EML6: variants seen among roughly 807,000 people sequenced by gnomAD.
The protein encoded by EML6 is echinoderm microtubule-associated protein-like 6.
EML6 carries 154 observed loss-of-function variants against 240.1 expected under a neutral mutation model. The observed-to-expected ratio is 0.64, with a 90% CI of 0.56 to 0.73. The LOEUF is 0.73. EML6 is among the 30% of genes least tolerant of loss of function. The pLI is 0.00. For synonymous variants in EML6, 1,148 were observed against 899.0 expected (o/e 1.28, Z -4.95); for missense variants, 2,964 against 2,474.6 (o/e 1.20, Z -4.20).
intron 7 of EML6, among the ~76,000 whole-genome samples, chr2:54,838,135 A>G (rs1669249581): frequency 6.6e-6 from 1 of 152,242 alleles, no homozygotes; most frequent in Non-Finnish European, 1.5e-5. Flanking sequence ...GATAAGGCAG[A>G]GTAACTAAGA....
At chr2:54,859,781 G>C in intron 12 of EML6, 80 bp downstream of exon 12, 3 of 1,241,822 alleles carry the variant, frequency 2.4e-6, no homozygotes, top group Middle Eastern at 2.0e-4. Flanking sequence ...GTATTCTATA[G>C]GTAAAGGATT....
intron 38 of EML6, among the ~76,000 whole-genome samples, chr2:54,965,641 GTT>G (rs1676715657): frequency 6.6e-6 from 1 of 152,164 alleles, no homozygotes; most frequent in Non-Finnish European, 1.5e-5. Flanking sequence ...ATCATAGGGA[GTT>G]GAAGCTGTCT....
intron 17 of EML6, chr2:54,879,878 C>A (rs781592414): frequency 5.1e-4 from 255 of 500,554 alleles, no homozygotes; most frequent in Non-Finnish European, 6.1e-4. Context: ...AGTCATTCAC[C>A]GCTTCATTTT....
At chr2:54,798,777 A>C (rs563535521) in intron 2 of EML6, among the ~76,000 whole-genome samples, 21 of 152,272 alleles carry the variant, frequency 1.4e-4, no homozygotes, top group African/African-American at 3.8e-4. Flanking sequence ...TATACCTTTT[A>C]TTTATTCTTG....
At position 54,871,536 on chromosome 2, in the gene EML6, C is replaced by T; in HGVS notation, c.2275C>T (p.Gln759Ter). The T allele has an allele frequency of 6.4e-7, 1 of 1,551,752 alleles. No individual in the cohort carries two copies. Among genetic ancestry groups the T allele is most frequent in the Admixed American group, 2.0e-5 (1 of 51,010 alleles). The change falls in exon 16 of 42, where the codon CAA becomes TAA. Residue 759 changes from glutamine (Q) to a stop codon, truncating the protein, a stop_gained. Coordinates refer to ENST00000356458, the MANE Select transcript of EML6 (RefSeq NM_001039753.4). LOFTEE classifies it high-confidence loss of function. ...TGCTGCTATTCATGTGTGGGACACACAAACTCTAAAATGTTTGTCGCTGTT... is the reference window on the plus strand; with the variant it reads ...TGCTGCTATTCATGTGTGGGACACATAAACTCTAAAATGTTTGTCGCTGTT... ...RDAAIHVWDTQTLKCLSLLKG... is the reference protein window; with the variant it reads ...RDAAIHVWDT
intron 26 of EML6, among the ~76,000 whole-genome samples, chr2:54,920,220 A>T (rs1573144097): frequency 6.6e-6 from 1 of 152,164 alleles, no homozygotes; most frequent in South Asian, 2.1e-4. Context: ...AGAATAGAAA[A>T]GACCAATGAA....
chr2:54,915,344 A>AGC, intron 25 of EML6, among the ~76,000 whole-genome samples: 1 of 152,256 alleles, frequency 6.6e-6, no homozygotes, highest in Middle Eastern at 3.4e-3. Context: ...CGAGTGGACT[A>AGC]GGAGAGTCTT....
chr2:54,914,956 G>C (rs570236253), intron 25 of EML6, among the ~76,000 whole-genome samples: 1 of 152,030 alleles, frequency 6.6e-6, no homozygotes, highest in Non-Finnish European at 1.5e-5. Context: ...CTCCCCCTTC[G>C]GCTTCCTAAG....
intron 28 of EML6, among the ~76,000 whole-genome samples, chr2:54,930,065 C>A (rs1674771816): frequency 1.3e-5 from 2 of 152,214 alleles, no homozygotes; most frequent in East Asian, 3.9e-4. Flanking sequence ...AAAAATGTTT[C>A]ACCTGAAGTA....
intron 17 of EML6, among the ~76,000 whole-genome samples, chr2:54,887,901 A>T (rs1672239868): frequency 6.6e-6 from 1 of 152,126 alleles, no homozygotes; most frequent in Admixed American, 6.5e-5. Flanking sequence ...CAATTCATGA[A>T]CCTACCTTGA....
At chr2:54,882,304 C>T (rs1240346735) in intron 17 of EML6, 2 of 141,196 alleles carry the variant, frequency 1.4e-5, no homozygotes, top group African/African-American at 5.4e-5. Context: ...AAAGATCATT[C>T]CAATTTTAGT....
intron 2 of EML6, among the ~76,000 whole-genome samples, chr2:54,796,228 TCTC>T (rs1006526407): frequency 1.3e-5 from 2 of 152,138 alleles, no homozygotes; most frequent in Non-Finnish European, 2.9e-5. Context: ...CCAAAAGAAA[TCTC>T]CTTGGGAATA....
intron 32 of EML6, among the ~76,000 whole-genome samples, chr2:54,956,873 T>G (rs556085517): frequency 1.3e-5 from 2 of 152,136 alleles, no homozygotes; most frequent in South Asian, 4.2e-4. Flanking sequence ...AAACAAAAAT[T>G]TAAAACTCGA....
intron 17 of EML6, among the ~76,000 whole-genome samples, chr2:54,886,590 C>G (rs1672157785): frequency 6.6e-6 from 1 of 152,202 alleles, no homozygotes; most frequent in African/African-American, 2.4e-5. Flanking sequence ...CCTCCAACTT[C>G]TCCACATTCT....
At position 54,887,669 on chromosome 2, in the gene EML6, C is replaced by G. The variant is rs117316598; in HGVS notation, c.2439-3385C>G. Among the ~76,000 whole-genome samples, 365 of 152,326 alleles carry G rather than the reference C, an allele frequency of 2.4e-3. 8 individuals carry two copies. In the East Asian group the frequency reaches 0.037, roughly 15 times the overall value. ...TTTAAGTCTCTAAATAGTTTAGAAT[C>G]TATCCTAGTATCTGAGGAACAGGTC... On this transcript the variant is annotated intron_variant, in intron 17 of 41. Coordinates refer to ENST00000356458, the MANE Select transcript of EML6 (RefSeq NM_001039753.4).
chr2:54,959,607 C>T (rs928564846), intron 34 of EML6, among the ~76,000 whole-genome samples: 4 of 151,964 alleles, frequency 2.6e-5, no homozygotes, highest in African/African-American at 9.7e-5. Flanking sequence ...ACTGAAAATA[C>T]AAAATTTGGC....
intron 11 of EML6, among the ~76,000 whole-genome samples, chr2:54,856,761 G>T (rs746206172): frequency 3.4e-4 from 51 of 152,216 alleles, no homozygotes; most frequent in Non-Finnish European, 6.0e-4. Context: ...CGTCTTCTAA[G>T]TGCAATGAAA....
chr2:54,968,384 CTGTCCCGGTACAGTGGA>C (rs1676843530), intron 40 of EML6, 103 bp downstream of exon 40: 1 of 1,120,970 alleles, frequency 8.9e-7, no homozygotes, highest in African/African-American at 1.6e-5. Context: ...CAGAGAAACC[CTGTCCCGGTACAGTGGA>C]AATATGGCAA....
intron 2 of EML6, among the ~76,000 whole-genome samples, chr2:54,788,477 G>T (rs1448481892): frequency 6.6e-6 from 1 of 152,124 alleles, no homozygotes; most frequent in Non-Finnish European, 1.5e-5. Context: ...GTCCAGCTGG[G>T]AAAAGAGGTA....
Sources: gnomAD v4.1 joint callset for allele counts (sites outside exome capture counted in the v4.1 genomes callset) on GRCh38, gnomAD v4.1.1 for gene constraint, MANE v1.5 for transcripts, NCBI Gene and HGNC (gene_info 2026-07-23, HGNC 2026-07-21) for gene names.